ANK3: variants seen among roughly 807,000 people sequenced by gnomAD.
ANK3 encodes the protein ankyrin-3.
A neutral mutation model predicts 370.9 loss-of-function variants in ANK3; 57 were observed. The ratio of observed to expected loss-of-function variants is 0.15; its 90% CI spans 0.12 to 0.19. ANK3 has a LOEUF of 0.19. Among genes scored for constraint, ANK3 ranks in the 10% least tolerant of loss-of-function variants. ANK3 has a pLI of 1.00. For synonymous variants in ANK3, 1,929 were observed against 1,946.3 expected (o/e 0.99, Z 0.23); for missense variants, 4,439 against 5,302.1 (o/e 0.84, Z 5.06).
chr10:60,136,283 G>C (rs544680459), intron 24 of ANK3, among the ~76,000 whole-genome samples: 2 of 152,268 alleles, frequency 1.3e-5, no homozygotes, highest in East Asian at 3.9e-4. Context: ...CTGAGCACTT[G>C]AAATGTGGCT....
intron 2 of ANK3, among the ~76,000 whole-genome samples, chr10:60,467,124 A>G (rs990540534): frequency 1.3e-5 from 2 of 152,076 alleles, no homozygotes; most frequent in African/African-American, 4.8e-5. Flanking sequence ...GGAGAGTGAA[A>G]CTCAGGAAAT....
chr10:60,036,639 T>C (rs1024381662), intron 43 of ANK3, among the ~76,000 whole-genome samples: 25 of 151,874 alleles, frequency 1.6e-4, no homozygotes, highest in Admixed American at 1.2e-3. Flanking sequence ...GGTTTCACCG[T>C]GTTAGCCAGG....
chr10:60,587,317 T>C (rs1235397020), intron 2 of ANK3, among the ~76,000 whole-genome samples: 22 of 152,160 alleles, frequency 1.4e-4, no homozygotes, highest in Admixed American at 1.4e-3. Flanking sequence ...AGTCTAACCA[T>C]ATCATTAGGT....
At chr10:60,042,559 C>T (rs1303591030) in intron 43 of ANK3, 113 bp downstream of exon 43, 3 of 1,066,302 alleles carry the variant, frequency 2.8e-6, no homozygotes, top group Non-Finnish European at 2.7e-6. Flanking sequence ...ATTTTCAAAG[C>T]TGAAATTCAG....
At chr10:60,320,536 T>C (rs2048402008) in intron 1 of ANK3, among the ~76,000 whole-genome samples, 1 of 152,112 alleles carries the variant, frequency 6.6e-6, no homozygotes, top group Admixed American at 6.5e-5. Flanking sequence ...GAGGTGAAGG[T>C]TGCAGTGAGC....
chr10:60,422,580 C>T (rs143730259), intron 2 of ANK3, among the ~76,000 whole-genome samples: 16 of 152,132 alleles, frequency 1.1e-4, no homozygotes, highest in African/African-American at 3.9e-4. Flanking sequence ...TTATTTTATT[C>T]ATTTCTAGGT....
intron 2 of ANK3, among the ~76,000 whole-genome samples, chr10:60,602,788 T>A (rs10159993): frequency 0.71 from 108,446 of 151,976 alleles, 38,771 homozygotes; most frequent in South Asian, 0.88. Flanking sequence ...ATGACCTAAA[T>A]CATCATGATA....
chr10:60,363,015 C>T (rs1293388523), intron 1 of ANK3, among the ~76,000 whole-genome samples: 1 of 145,138 alleles, frequency 6.9e-6, no homozygotes, highest in South Asian at 2.1e-4. Flanking sequence ...TTTTGCTACC[C>T]TTTCCAGCAG....
In ANK3 at chr10:60,190,624, G is replaced by A. The variant is rs570354323; in HGVS notation, c.1888-3712C>T. Among the ~76,000 whole-genome samples the A allele has an allele frequency of 1.1e-4, 16 of 152,288 alleles. No homozygotes were observed. In the East Asian group the frequency reaches 3.1e-3, roughly 29 times the overall value. ...CTGACTTTCTTGCTGCCTGTGGCTT[G>A]AAAGTAAATTTGGCAACCCAGTCAA... On this transcript the variant is annotated intron_variant, in intron 16 of 43. Transcript: ENST00000280772.
At chr10:60,099,549 C>T (rs2090798465) in intron 28 of ANK3, among the ~76,000 whole-genome samples, 1 of 152,140 alleles carries the variant, frequency 6.6e-6, no homozygotes, top group Non-Finnish European at 1.5e-5. Flanking sequence ...AATAATCCTT[C>T]TAAGGTTTTC....
upstream of ANK3, among the ~76,000 whole-genome samples, chr10:60,391,473 G>A (rs1411441770): frequency 6.6e-6 from 1 of 152,134 alleles, no homozygotes; most frequent in Non-Finnish European, 1.5e-5. Context: ...AGTAACAGCT[G>A]GGGCAGAGTA....
intron 28 of ANK3, among the ~76,000 whole-genome samples, chr10:60,096,439 C>CAATG (rs560149474): frequency 4.7e-4 from 71 of 152,310 alleles, no homozygotes; most frequent in African/African-American, 9.4e-4. Flanking sequence ...GGCACAAATG[C>CAATG]AATGCCACTA....
At chr10:60,419,770 T>G (rs1288836072) in intron 2 of ANK3, among the ~76,000 whole-genome samples, 6 of 152,146 alleles carry the variant, frequency 3.9e-5, no homozygotes, top group Non-Finnish European at 7.3e-5. Context: ...TAACTTCAGG[T>G]GAGGCCACAC....
chr10:60,433,324 C>T lies in ANK3; in HGVS notation c.97-153685G>A, dbSNP rs1368471601. 2.6e-5 allele frequency among the ~76,000 whole-genome samples: 4 copies of T among 152,236 alleles called. 1 individual carries two copies. The highest frequency in any genetic ancestry group is 6.8e-3 in the Middle Eastern group (2 of 294). On this transcript the variant is annotated intron_variant, in intron 2 of 43. Transcript: ENST00000373827. ...ACTTGGTAAGAACTTGTCATGCTCT[C>T]CTCATTACTGCAAGATCTTAGAATA...
rs200735153 is a variant in ANK3, at chr10:60,639,175, CAG to C, written c.58-23953_58-23952del. Among the ~76,000 whole-genome samples the C allele has an allele frequency of 4.7e-3, 708 of 151,762 alleles. 6 individuals are homozygous for C. Among genetic ancestry groups the C allele is most frequent in the African/African-American group, 0.016 (666 of 41,456 alleles). On this transcript the variant is annotated intron_variant, in intron 1 of 43. Transcript: ENST00000373827. ...TAAGTAAGAGCAAAAATAAGAACGA[CAG>C]AAGATGTCAGAAACCAAGCAAACAG...
At chr10:60,342,682 A>C (rs1423901317) in intron 1 of ANK3, among the ~76,000 whole-genome samples, 1 of 152,180 alleles carries the variant, frequency 6.6e-6, no homozygotes, top group Non-Finnish European at 1.5e-5. Flanking sequence ...AAGTCTGAGC[A>C]TTGAACCAGA....
At position 60,461,344 on chromosome 10, in the gene ANK3, G is replaced by A. The variant is rs116839176; in HGVS notation, c.96+153842C>T. Among the ~76,000 whole-genome samples, 611 of 152,210 alleles carry A rather than the reference G, an allele frequency of 4.0e-3. 5 individuals are homozygous for A. The highest frequency in any genetic ancestry group is 0.014 in the African/African-American group (566 of 41,532). ...AATAATTAAGATTAAAAGAACTAAT[G>A]CAGTTTAATAAGTAATGCTTTACAG... On this transcript the variant is annotated intron_variant, in intron 2 of 43. Coordinates refer to the ANK3 transcript ENST00000373827.
At chr10:60,480,830 C>A (rs2075193925) in intron 2 of ANK3, among the ~76,000 whole-genome samples, 1 of 152,054 alleles carries the variant, frequency 6.6e-6, no homozygotes, top group African/African-American at 2.4e-5. Context: ...ATAGTAATGC[C>A]CTTTTTAGGT....
intron 1 of ANK3, among the ~76,000 whole-genome samples, chr10:60,374,652 C>T (rs1594727811): frequency 1.3e-5 from 2 of 151,944 alleles, no homozygotes; most frequent in East Asian, 3.9e-4. Flanking sequence ...AAAAACAAAA[C>T]AAAACAAAAC....
Sources: gnomAD v4.1 joint callset for allele counts (sites outside exome capture counted in the v4.1 genomes callset) on GRCh38, gnomAD v4.1.1 for gene constraint, MANE v1.5 for transcripts, NCBI Gene and HGNC (gene_info 2026-07-23, HGNC 2026-07-21) for gene names.